PDE4D: variants seen among roughly 807,000 people sequenced by gnomAD.
PDE4D encodes 3',5'-cyclic-AMP phosphodiesterase 4D.
PDE4D carries 24 observed loss-of-function variants against 87.4 expected under a neutral mutation model. The observed-to-expected ratio is 0.27, with a 90% confidence interval of 0.20 to 0.39. The LOEUF is 0.39. Among genes scored for constraint, PDE4D ranks in the 10% least tolerant of loss-of-function variants. The probability of loss-of-function intolerance (pLI) is 1.00; values close to 1 mark genes in which losing one functional copy is unlikely to be tolerated. For missense variants in PDE4D, 714 were observed against 1,041.0 expected, an observed-to-expected ratio of 0.69 and a Z score of 4.32; for synonymous variants, 384 against 383.2, an observed-to-expected ratio of 1.00 and a Z score of -0.02.
At chr5:60,023,266 C>T (rs1375218217) in intron 2 of PDE4D, among the ~76,000 whole-genome samples, 1 of 152,146 alleles carries the variant, frequency 6.6e-6, no homozygotes, top group East Asian at 1.9e-4. Flanking sequence ...TTCAGCCCTC[C>T]TTAAATTCTT....
At chr5:59,202,243 T>C (rs1025727799) in intron 2 of PDE4D, among the ~76,000 whole-genome samples, 4 of 152,092 alleles carry the variant, frequency 2.6e-5, no homozygotes, top group African/African-American at 9.7e-5. Context: ...GATTTCACCG[T>C]GTTAGCCAGG....
chr5:59,100,047 A>C (rs918793848), intron 5 of PDE4D, among the ~76,000 whole-genome samples: 1 of 152,228 alleles, frequency 6.6e-6, no homozygotes, highest in African/African-American at 2.4e-5. Context: ...GCATTCTTTC[A>C]CAATGTCATG....
chr5:59,820,940 T>C (rs914426469), intron 1 of PDE4D, among the ~76,000 whole-genome samples: 7 of 151,994 alleles, frequency 4.6e-5, no homozygotes, highest in Non-Finnish European at 7.4e-5. Flanking sequence ...GTATAATAAA[T>C]GAAAATTAGG....
intron 1 of PDE4D, among the ~76,000 whole-genome samples, chr5:59,499,802 G>A (rs934288564): frequency 1.3e-5 from 2 of 151,330 alleles, no homozygotes; most frequent in Non-Finnish European, 2.9e-5. Flanking sequence ...TCCAAAAATA[G>A]CCCTGAACCA....
At chr5:59,488,973 A>T (rs1455142195) in intron 1 of PDE4D, among the ~76,000 whole-genome samples, 1 of 152,072 alleles carries the variant, frequency 6.6e-6, no homozygotes, top group Non-Finnish European at 1.5e-5. Context: ...GTTCAAGCCA[A>T]TTTTTAAATT....
rs146999705 is a variant in PDE4D at position 59,734,122 on chromosome 5, C to T, written c.455+159046G>A. On this transcript the variant is annotated intron_variant, in intron 1 of 14. Transcript: ENST00000340635. ...ACAGGGCTATAATCCTCAGATTACA[C>T]GCACACCCAAACACACATACACAGG... 2.7e-4 allele frequency among the ~76,000 whole-genome samples: 41 copies of T among 152,180 alleles called. 1 individual carries two copies. The highest frequency in any genetic ancestry group is 7.7e-4 in the East Asian group (4 of 5,182).
upstream of PDE4D, among the ~76,000 whole-genome samples, chr5:60,492,710 G>A (rs779167912): frequency 1.4e-4 from 22 of 152,184 alleles, no homozygotes; most frequent in Non-Finnish European, 3.1e-4. Context: ...CTTGGACACA[G>A]GGCAGGGAAC....
intron 2 of PDE4D, among the ~76,000 whole-genome samples, chr5:60,025,082 A>G (rs1213121544): frequency 6.6e-6 from 1 of 152,008 alleles, no homozygotes; most frequent in Non-Finnish European, 1.5e-5. Flanking sequence ...AGGACAAAGC[A>G]TTGTTGAATA....
rs148300188 is a variant in PDE4D, at chr5:59,539,893, T to C, written c.456-323925A>G. ...TACCATTCTTCAAAATTCTAAATAT[T>C]GTCAAAGTCATTTTAAGAGAAACAG... On this transcript the variant is annotated intron_variant, in intron 1 of 14. Coordinates refer to ENST00000340635, the MANE Select transcript of PDE4D (RefSeq NM_001104631.2). 2.7e-3 allele frequency among the ~76,000 whole-genome samples: 408 copies of C among 152,216 alleles called. 11 individuals are homozygous for C. In the East Asian group the frequency reaches 0.045, roughly 17 times the overall value.
Position 58,990,867 on chromosome 5 carries a change from A to C in PDE4D, c.1224T>G (p.Val408=). ...LEDVNKWGLH[V]FRIAELSGNR... ...TACCAGACAACTCTGCTATTCTGAAAACATGAAGACCCCATTTGTTCACAT... is the reference window on the plus strand; with the variant it reads ...TACCAGACAACTCTGCTATTCTGAACACATGAAGACCCCATTTGTTCACAT... The change falls in exon 9 of 15, where the codon GTT becomes GTG. Residue 408 remains valine (V), a synonymous_variant. Transcript: ENST00000340635. 6.2e-7 allele frequency: 1 copy of C among 1,605,188 alleles called. No individual in the cohort carries two copies. The highest frequency in any genetic ancestry group is 2.2e-5 in the East Asian group (1 of 44,672).
intron 1 of PDE4D, among the ~76,000 whole-genome samples, chr5:59,762,854 G>GATATATATATATATATATATAT (rs35979900): frequency 1.9e-5 from 1 of 51,690 alleles, no homozygotes; most frequent in African/African-American, 7.2e-5. Flanking sequence ...ACTGCTTAAG[G>GATATATATATATATATATATAT]ATATATATAT....
At chr5:60,341,011 G>C (rs570501971) in intron 1 of PDE4D, among the ~76,000 whole-genome samples, 173 of 152,260 alleles carry the variant, frequency 1.1e-3, no homozygotes, top group African/African-American at 3.8e-3. Context: ...ACACCATAAA[G>C]AGCCATGCTG....
intron 3 of PDE4D, among the ~76,000 whole-genome samples, chr5:59,929,071 T>C (rs1156234507): frequency 1.3e-5 from 2 of 151,990 alleles, no homozygotes; most frequent in Admixed American, 6.6e-5. Flanking sequence ...ATTTTCAATA[T>C]ATGTGTGTGT....
intron 1 of PDE4D, among the ~76,000 whole-genome samples, chr5:60,239,122 C>A (rs887388134): frequency 6.6e-6 from 1 of 152,044 alleles, no homozygotes; most frequent in African/African-American, 2.4e-5. Context: ...CACCTTTACA[C>A]CTACATTCCA....
At chr5:59,457,540 T>C (rs1242783462) in intron 1 of PDE4D, among the ~76,000 whole-genome samples, 1 of 152,180 alleles carries the variant, frequency 6.6e-6, no homozygotes, top group Non-Finnish European at 1.5e-5. Flanking sequence ...ACTTAAGAGA[T>C]GTTCAGGAAA....
intron 1 of PDE4D, among the ~76,000 whole-genome samples, chr5:60,427,385 A>T (rs1388496536): frequency 1.3e-5 from 2 of 152,200 alleles, no homozygotes; most frequent in Non-Finnish European, 2.9e-5. Flanking sequence ...GGGACTGAAA[A>T]CCCCAATGGC....
At chr5:59,505,341 G>A (rs76926205) in intron 1 of PDE4D, among the ~76,000 whole-genome samples, 1,982 of 152,296 alleles carry the variant, frequency 0.013, 37 homozygotes, top group African/African-American at 0.045. Context: ...TATTAGCAGA[G>A]GGTGCTGAGA....
At chr5:59,516,167 A>T (rs1395872492) in intron 1 of PDE4D, among the ~76,000 whole-genome samples, 1 of 152,218 alleles carries the variant, frequency 6.6e-6, no homozygotes, top group East Asian at 1.9e-4. Context: ...CAATAGGGAA[A>T]AAGGGAGTAA....
intron 3 of PDE4D, among the ~76,000 whole-genome samples, chr5:59,976,654 T>G (rs1004559595): frequency 6.6e-6 from 1 of 152,214 alleles, no homozygotes; most frequent in African/African-American, 2.4e-5. Flanking sequence ...TTTATAGCCA[T>G]GCAAAACAGA....
Sources: gnomAD v4.1 joint callset for allele counts (sites outside exome capture counted in the v4.1 genomes callset) on GRCh38, gnomAD v4.1.1 for gene constraint, MANE v1.5 for transcripts, NCBI Gene and HGNC (gene_info 2026-07-23, HGNC 2026-07-21) for gene names.